BRSK2: variants seen among roughly 807,000 people sequenced by gnomAD.
BRSK2 encodes serine/threonine-protein kinase BRSK2.
Under a neutral mutation model 83.3 loss-of-function variants are expected in BRSK2, and 19 were observed. The ratio of observed to expected loss-of-function variants is 0.23; its 90% CI spans 0.16 to 0.33. The LOEUF (loss-of-function observed/expected upper bound fraction) is 0.33, where lower values mean the gene tolerates loss of function less well. Ranked by LOEUF, BRSK2 falls within the 10% of genes least tolerant of loss-of-function variation. The pLI is 1.00. For synonymous variants in BRSK2, 519 were observed against 435.4 expected (o/e 1.19, Z -2.39); for missense variants, 798 against 1,042.3 (o/e 0.77, Z 3.23).
At chr11:1,453,034 A>C (rs1845995177) in intron 15 of BRSK2, among the ~76,000 whole-genome samples, 1 of 152,264 alleles carries the variant, frequency 6.6e-6, no homozygotes, top group South Asian at 2.1e-4. Context: ...CTGGAAGCCC[A>C]GGCAGTTTCC....
intron 1 of BRSK2, among the ~76,000 whole-genome samples, chr11:1,398,604 G>A (rs551886207): frequency 1.3e-5 from 2 of 152,162 alleles, no homozygotes; most frequent in African/African-American, 2.4e-5. Context: ...TCTGCAGAGC[G>A]CAGGGCAGCA....
At chr11:1,446,046 AGCTGG>A (rs55914513) in intron 12 of BRSK2, 139 bp downstream of exon 12, 55 of 940,634 alleles carry the variant, frequency 5.8e-5, no homozygotes, top group East Asian at 3.6e-4. Flanking sequence ...AACTGGGCTT[AGCTGG>A]GCTGGGCTGG....
At chr11:1,403,297 C>T (rs961700691) in intron 1 of BRSK2, among the ~76,000 whole-genome samples, 6 of 152,206 alleles carry the variant, frequency 3.9e-5, no homozygotes, top group Non-Finnish European at 7.4e-5. Flanking sequence ...GGCTGCTGTG[C>T]GTGGCAGAGC....
chr11:1,450,565 C>A, intron 13 of BRSK2, 22 bp from the exon 14 acceptor site: 1 of 1,450,114 alleles, frequency 6.9e-7, no homozygotes, highest in Non-Finnish European at 9.4e-7. Context: ...AACCAAACAC[C>A]AAATCTGTCC....
chr11:1,454,297 T>C lies in BRSK2; in HGVS notation c.1545-188T>C. The C allele has an allele frequency of 3.1e-6, 2 of 634,938 alleles. No individual in the cohort carries two copies. Among genetic ancestry groups the C allele is most frequent in the South Asian group, 3.7e-5 (2 of 54,578 alleles). The allele number at this position is 634,938 out of a possible 1,614,324, so 39.3% of individuals were successfully genotyped here. The stretch of plus-strand genomic sequence containing the variant: ...GTTGGGGTTAGAGCCACGGTGATGG[T>C]CAGGGCATATGGGCTAGGGTTAGGG... On this transcript the variant is annotated intron_variant, in intron 15 of 19. Transcript: ENST00000528841. The surrounding 1 kb of genome is among the most constrained non-coding windows in gnomAD (Gnocchi z 5.2).
At chr11:1,459,780 T>G (rs2133304593) in intron 19 of BRSK2, among the ~76,000 whole-genome samples, 1 of 152,292 alleles carries the variant, frequency 6.6e-6, no homozygotes, top group Non-Finnish European at 1.5e-5. Flanking sequence ...ACCCGGGACA[T>G]GACTCTAGCT....
intron 14 of BRSK2, 32 bp from the exon 15 acceptor site, chr11:1,451,339 C>G: frequency 6.2e-7 from 1 of 1,612,518 alleles, no homozygotes; most frequent in Non-Finnish European, 8.5e-7. Flanking sequence ...GCGGTCACCA[C>G]GCCTTTCCTC....
Position 1,390,233 on chromosome 11 carries a change from C to T in BRSK2, c.-52C>T, listed in dbSNP as rs1267252048. The T allele has an allele frequency of 4.2e-6, 4 of 948,414 alleles. No individual in the cohort carries two copies. Among genetic ancestry groups the T allele is most frequent in the East Asian group, 1.1e-4 (1 of 8,714 alleles). The allele number at this position is 948,414 out of a possible 1,614,324, so 58.7% of individuals were successfully genotyped here. ...GGACGCGGGCGGACGCTGGGCGGCC[C>T]CTCCCTGCCCGCGCGCCCGGGCGCC... On this transcript the variant is annotated 5_prime_UTR_variant, in exon 1 of 20. Coordinates refer to ENST00000528841, the MANE Select transcript of BRSK2 (RefSeq NM_001256627.2). This position sits in a 1 kb window ranked among gnomAD's most constrained non-coding sequence, Gnocchi z 6.8.
At position 1,441,119 on chromosome 11, in the gene BRSK2, C is replaced by T. The variant is rs562421522; in HGVS notation, c.413+191C>T. ...ATTAGCTGCCCCTCAAGTGCACTGT[C>T]CCCTCCATTAGCTACCCCTCAAGTG... On this transcript the variant is annotated intron_variant, in intron 4 of 19. Transcript: ENST00000528841. Among the ~76,000 whole-genome samples, 42 of 141,202 alleles carry T rather than the reference C, an allele frequency of 3.0e-4. No individual in the cohort carries two copies. The East Asian group carries it at 3.5e-3, about 12-fold the overall frequency. 92.6% of individuals were successfully genotyped at this position (141,202 alleles called of 152,430 possible). A position where few individuals can be genotyped will look rare whatever the true frequency, so the allele number is the denominator to read the frequency against.
Position 1,443,647 on chromosome 11 carries a change from C to T in BRSK2, c.780+12C>T, listed in dbSNP as rs769512074. ...CACGCCGCCTCACGGTGCGTGCCCT[C>T]GGAGCGGGGCGGCCCCAGAGCGTGG... is the stretch of plus-strand genomic sequence containing the variant. On this transcript the variant is annotated intron_variant, in intron 8 of 19. Coordinates refer to ENST00000528841, the MANE Select transcript of BRSK2 (RefSeq NM_001256627.2). 18 of 1,573,978 alleles carry T rather than the reference C, an allele frequency of 1.1e-5. No individual in the cohort carries two copies. The highest frequency in any genetic ancestry group is 4.2e-5 in the African/African-American group (3 of 71,016).
intron 5 of BRSK2, 54 bp from the exon 6 acceptor site, chr11:1,443,052 G>A (rs1266489467): frequency 3.3e-6 from 5 of 1,516,378 alleles, no homozygotes; most frequent in Non-Finnish European, 4.4e-6. Context: ...CACCCTGGGG[G>A]GAGGGCCTGG....
chr11:1,459,829 C>T (rs991802656), intron 19 of BRSK2, among the ~76,000 whole-genome samples: 4 of 152,196 alleles, frequency 2.6e-5, no homozygotes, highest in African/African-American at 7.2e-5. Flanking sequence ...CCACATCCAC[C>T]CCTCCATGCT....
At chr11:1,392,063 G>T (rs780174377) in intron 1 of BRSK2, among the ~76,000 whole-genome samples, 9 of 152,198 alleles carry the variant, frequency 5.9e-5, no homozygotes, top group Admixed American at 5.9e-4. Flanking sequence ...GAGTTATGAC[G>T]GGCAGAGCGC....
chr11:1,443,680 G>C (rs756346772), intron 8 of BRSK2, 45 bp downstream of exon 8: 13 of 1,391,506 alleles, frequency 9.3e-6, no homozygotes, highest in Non-Finnish European at 1.3e-5. Flanking sequence ...TGGCGGGGGG[G>C]CGCGGGGGCG....
At chr11:1,420,474 C>T (rs1204230021) in intron 1 of BRSK2, among the ~76,000 whole-genome samples, 3 of 152,234 alleles carry the variant, frequency 2.0e-5, no homozygotes, top group Non-Finnish European at 2.9e-5. Flanking sequence ...CTCTGCCTGC[C>T]TGCCTCTAGA....
At chr11:1,445,070 A>G (rs1423600435) in intron 9 of BRSK2, 68 bp downstream of exon 9, 1 of 1,580,804 alleles carries the variant, frequency 6.3e-7, no homozygotes, top group Non-Finnish European at 8.7e-7. Flanking sequence ...CCCTGCTAGG[A>G]AAGGCGGGGG....
intron 1 of BRSK2, among the ~76,000 whole-genome samples, chr11:1,420,762 G>C (rs1005676867): frequency 6.6e-6 from 1 of 152,242 alleles, no homozygotes; most frequent in Non-Finnish European, 1.5e-5. Context: ...CTGCCTGGGG[G>C]ACTCCTCTGG....
In BRSK2 at chr11:1,452,377, A is replaced by G. The variant is rs373703352; in HGVS notation, c.1544+958A>G. Among the ~76,000 whole-genome samples the G allele has an allele frequency of 2.0e-4, 30 of 152,356 alleles. 2 individuals are homozygous for G. Among genetic ancestry groups the G allele is most frequent in the East Asian group, 1.9e-3 (10 of 5,190 alleles). ...TCGCAAGCCCAGATGCACAGGGCTC[A>G]GCAGACTTGGGAACCTTCCGCCTAG... On this transcript the variant is annotated intron_variant, in intron 15 of 19. Coordinates refer to ENST00000528841, the MANE Select transcript of BRSK2 (RefSeq NM_001256627.2).
chr11:1,457,325 C>T (rs957443564), intron 18 of BRSK2, among the ~76,000 whole-genome samples: 1 of 152,226 alleles, frequency 6.6e-6, no homozygotes, highest in Non-Finnish European at 1.5e-5. Context: ...TACTTCCTGA[C>T]AGCCCAGGGT....
Sources: allele counts gnomAD v4.1 joint callset (sites outside exome capture counted in the v4.1 genomes callset), GRCh38; gene constraint gnomAD v4.1.1; non-coding constraint Gnocchi (gnomAD v3.1); transcripts MANE v1.5; gene names NCBI Gene and HGNC (gene_info 2026-07-23, HGNC 2026-07-21).